Variants in STK33 observed in about 807,000 individuals in gnomAD.
STK33 encodes the protein serine/threonine kinase 33, also known as serine/threonine-protein kinase 33.
In STK33, 52 loss-of-function variants were observed where a neutral mutation model predicts 58.0. That is an observed-to-expected ratio of 0.90 (90% CI 0.72 to 1.13). The LOEUF is 1.13. STK33 is among the 50% of genes most tolerant of loss of function. The pLI is 0.00. For synonymous variants in STK33, 215 were observed against 200.1 expected, an observed-to-expected ratio of 1.07 and a Z score of -0.63; for missense variants, 630 against 604.2, an observed-to-expected ratio of 1.04 and a Z score of -0.45.
chr11:8,511,492 T>C (rs1295950192), intron 1 of STK33, among the ~76,000 whole-genome samples: 1 of 152,188 alleles, frequency 6.6e-6, no homozygotes, highest in African/African-American at 2.4e-5. Context: ...CTGATTGCTG[T>C]GGCTAGGATT....
intron 1 of STK33, among the ~76,000 whole-genome samples, chr11:8,525,036 T>A (rs1217497840): frequency 2.0e-5 from 3 of 152,096 alleles, no homozygotes; most frequent in Non-Finnish European, 4.4e-5. Context: ...TTTTTTAATG[T>A]GAAAGAATAA....
intron 1 of STK33, among the ~76,000 whole-genome samples, chr11:8,505,501 C>A (rs1447425457): frequency 6.6e-6 from 1 of 152,176 alleles, no homozygotes; most frequent in Non-Finnish European, 1.5e-5. Flanking sequence ...CCAGGTTCAT[C>A]TTTTTCTGGA....
At chr11:8,579,386 C>T (rs1317160075) in intron 1 of STK33, among the ~76,000 whole-genome samples, 1 of 151,962 alleles carries the variant, frequency 6.6e-6, no homozygotes, top group Non-Finnish European at 1.5e-5. Context: ...AAGGTACTTT[C>T]AAATACTTTA....
At chr11:8,518,569 C>T (rs1306500489) in intron 1 of STK33, among the ~76,000 whole-genome samples, 1 of 152,164 alleles carries the variant, frequency 6.6e-6, no homozygotes, top group African/African-American at 2.4e-5. Flanking sequence ...AGTCAAGATC[C>T]ATCAGTGTGC....
chr11:8,585,503 G>T (rs550759532), intron 1 of STK33, among the ~76,000 whole-genome samples: 55 of 151,878 alleles, frequency 3.6e-4, no homozygotes, highest in African/African-American at 1.3e-3. Context: ...GGGATTACAG[G>T]CATGAGCCAC....
chr11:8,346,094 C>A, the STK33 span, among the ~76,000 whole-genome samples: 1 of 152,222 alleles, frequency 6.6e-6, no homozygotes, highest in Admixed American at 6.5e-5. Flanking sequence ...ATGGACAATT[C>A]TCGCAGGTGT....
At chr11:8,482,322 C>T (rs1331946502) in intron 1 of STK33, among the ~76,000 whole-genome samples, 1 of 152,118 alleles carries the variant, frequency 6.6e-6, no homozygotes, top group Non-Finnish European at 1.5e-5. Context: ...ATAAGTCTGA[C>T]CAGTAAGAGC....
At chr11:8,487,811 A>T (rs1950294725) in intron 1 of STK33, among the ~76,000 whole-genome samples, 1 of 152,194 alleles carries the variant, frequency 6.6e-6, no homozygotes, top group Non-Finnish European at 1.5e-5. Context: ...AGCAATGAAA[A>T]AATGGCAAAA....
chr11:8,515,543 C>T (rs1026506729), intron 1 of STK33, among the ~76,000 whole-genome samples: 1 of 152,164 alleles, frequency 6.6e-6, no homozygotes, highest in Non-Finnish European at 1.5e-5. Context: ...AGGAAAACTA[C>T]ATGACAATAT....
intron 1 of STK33, among the ~76,000 whole-genome samples, chr11:8,498,603 C>G (rs1951248612): frequency 6.6e-6 from 1 of 151,982 alleles, no homozygotes; most frequent in African/African-American, 2.4e-5. Flanking sequence ...CATATGGAAC[C>G]AAAAAAGAGC....
At position 8,574,286 on chromosome 11, in the gene STK33, A is replaced by T. The variant is rs573866462; in HGVS notation, c.-466+19797T>A. 9.5e-4 allele frequency among the ~76,000 whole-genome samples: 144 copies of T among 152,342 alleles called. 3 individuals are homozygous for T. The South Asian group carries it at 0.029, about 31-fold the overall frequency. On this transcript the variant is annotated intron_variant, in intron 1 of 15. Transcript: ENST00000687296. ...GATTCCTAGTATGATACTATACTAC[A>T]GTTATGCAAGATATTAATATTGAGG...
At chr11:8,481,418 C>G (rs1949789448) in intron 1 of STK33, among the ~76,000 whole-genome samples, 1 of 152,192 alleles carries the variant, frequency 6.6e-6, no homozygotes, top group South Asian at 2.1e-4. Context: ...TTATGTCCAG[C>G]AAAAGACGTC....
At chr11:8,384,072 AAG>A in the STK33 span, among the ~76,000 whole-genome samples, 35 of 152,258 alleles carry the variant, frequency 2.3e-4, no homozygotes, top group Non-Finnish European at 4.3e-4. Context: ...GTGCCGAGGC[AAG>A]AGAGTGAAGG....
intron 11 of STK33, among the ~76,000 whole-genome samples, chr11:8,442,117 C>G (rs1041373171): frequency 2.0e-5 from 3 of 151,906 alleles, no homozygotes; most frequent in African/African-American, 7.3e-5. Flanking sequence ...CCTTTTTCCT[C>G]TGCCTAGTGT....
chr11:8,358,108 C>G, the STK33 span, among the ~76,000 whole-genome samples: 3 of 152,214 alleles, frequency 2.0e-5, no homozygotes, highest in African/African-American at 7.2e-5. Flanking sequence ...CACATGTCTT[C>G]TATTATGACA....
chr11:8,575,208 A>G (rs755508507), intron 1 of STK33, among the ~76,000 whole-genome samples: 13 of 152,238 alleles, frequency 8.5e-5, no homozygotes, highest in Non-Finnish European at 1.9e-4. Context: ...GCAAAGAGCT[A>G]AACATAAAAT....
rs1453970970 is a variant in STK33, at chr11:8,392,511, T to C, written c.1544A>G (p.Ter515=). 4.3e-6 allele frequency: 7 copies of C among 1,613,998 alleles called. No individual in the cohort carries two copies. The African/African-American group carries it at 5.3e-5, about 12-fold the overall frequency. Residue 515 remains the stop codon, a stop_retained_variant, in exon 16 of 16, where the codon TAA becomes TGA. Transcript: ENST00000687296. Reference sequence around the variant, plus strand: ...TACTGTCCAACACTGGAGGGAACCTTAGAGTTTCTTTTTGGTTCTGGACAG... The same window carrying C: ...TACTGTCCAACACTGGAGGGAACCTCAGAGTTTCTTTTTGGTTCTGGACAG... ...GALSRTKKKL[*] is the part of the protein sequence containing the mutation.
At chr11:8,355,225 G>A in the STK33 span, among the ~76,000 whole-genome samples, 4 of 152,200 alleles carry the variant, frequency 2.6e-5, no homozygotes, top group African/African-American at 9.6e-5. Flanking sequence ...ATTCCCAAAG[G>A]TTTTAGCCTC....
At chr11:8,336,717 TA>T in the STK33 span, among the ~76,000 whole-genome samples, 1 of 152,196 alleles carries the variant, frequency 6.6e-6, no homozygotes, top group Non-Finnish European at 1.5e-5. Context: ...TGTAAGCGGA[TA>T]AATTGGATCT....
Sources: allele counts gnomAD v4.1 joint callset (sites outside exome capture counted in the v4.1 genomes callset), GRCh38; gene constraint gnomAD v4.1.1; transcripts MANE v1.5; gene names NCBI Gene and HGNC (gene_info 2026-07-23, HGNC 2026-07-21).